The following ULK4 variants were observed in gnomAD, a reference collection of about 807,000 sequenced individuals.
The protein encoded by ULK4 is inactive serine/threonine-protein kinase ULK4.
A neutral mutation model predicts 160.6 loss-of-function variants in ULK4; 133 were observed. The observed-to-expected ratio is 0.83, with a 90% CI of 0.72 to 0.96. The LOEUF is 0.96. Ranked by LOEUF, ULK4 falls within the 40% of genes least tolerant of loss-of-function variation. ULK4 has a pLI of 0.00. For missense variants in ULK4, 1,580 were observed against 1,499.5 expected, an observed-to-expected ratio of 1.05 and a Z score of -0.89; for synonymous variants, 534 against 539.8, an observed-to-expected ratio of 0.99 and a Z score of 0.15.
At chr3:41,308,305 G>C (rs1575418721) in intron 35 of ULK4, among the ~76,000 whole-genome samples, 1 of 150,188 alleles carries the variant, frequency 6.7e-6, no homozygotes, top group Admixed American at 6.7e-5. Context: ...GCGCACGAGG[G>C]ACACATCCTC....
intron 31 of ULK4, among the ~76,000 whole-genome samples, chr3:41,578,687 T>C (rs1250375671): frequency 1.3e-5 from 2 of 152,166 alleles, no homozygotes; most frequent in Non-Finnish European, 2.9e-5. Flanking sequence ...TCACAGGAAG[T>C]GTCAATCAAG....
At chr3:41,744,391 A>G (rs1342293955) in intron 22 of ULK4, among the ~76,000 whole-genome samples, 1 of 152,020 alleles carries the variant, frequency 6.6e-6, no homozygotes, top group Admixed American at 6.5e-5. Context: ...ATTTAAAATA[A>G]AGGCAGGAGT....
intron 32 of ULK4, among the ~76,000 whole-genome samples, chr3:41,557,647 T>C (rs2087348698): frequency 6.6e-6 from 1 of 151,252 alleles, no homozygotes; most frequent in Non-Finnish European, 1.5e-5. Context: ...GCGCCTGTTG[T>C]CCTAGTTACT....
intron 17 of ULK4, among the ~76,000 whole-genome samples, chr3:41,845,704 T>C (rs1318028993): frequency 6.6e-6 from 1 of 152,234 alleles, no homozygotes; most frequent in East Asian, 1.9e-4. Context: ...GATCTCTCTA[T>C]TATTTCTTAC....
At chr3:41,605,204 A>G (rs1335339171) in intron 31 of ULK4, among the ~76,000 whole-genome samples, 1 of 152,038 alleles carries the variant, frequency 6.6e-6, no homozygotes, top group Non-Finnish European at 1.5e-5. Context: ...AAAAGACATA[A>G]AGAAAAACAA....
At chr3:41,440,077 T>G (rs2083129000) in intron 34 of ULK4, among the ~76,000 whole-genome samples, 1 of 152,240 alleles carries the variant, frequency 6.6e-6, no homozygotes, top group South Asian at 2.1e-4. Flanking sequence ...ACTTCTTTAT[T>G]TAATTTCTAG....
chr3:41,961,554 C>CTCCCCA (rs1553693526), intron 1 of ULK4, among the ~76,000 whole-genome samples: 1 of 7,618 alleles, frequency 1.3e-4, no homozygotes. Flanking sequence ...TCACTCACCC[C>CTCCCCA]CCCCCCCCCC....
intron 25 of ULK4, among the ~76,000 whole-genome samples, chr3:41,707,073 A>G (rs2036928040): frequency 6.6e-6 from 1 of 152,024 alleles, no homozygotes; most frequent in African/African-American, 2.4e-5. Flanking sequence ...AGAGATAACC[A>G]CTATCATGTA....
chr3:41,863,301 T>C (rs1401955575), intron 17 of ULK4, among the ~76,000 whole-genome samples: 1 of 152,154 alleles, frequency 6.6e-6, no homozygotes, highest in Non-Finnish European at 1.5e-5. Context: ...TTAAGTCAGC[T>C]TGTCATAAAT....
intron 17 of ULK4, among the ~76,000 whole-genome samples, chr3:41,860,329 G>A (rs1055903150): frequency 5.9e-5 from 9 of 152,084 alleles, no homozygotes; most frequent in African/African-American, 2.2e-4. Flanking sequence ...GGGGTTTGAA[G>A]TCTCCAGCCA....
intron 12 of ULK4, among the ~76,000 whole-genome samples, chr3:41,904,534 C>T (rs773864610): frequency 1.3e-5 from 2 of 152,178 alleles, no homozygotes; most frequent in Admixed American, 1.3e-4. Context: ...TGATTATATA[C>T]TCTTCTTTAT....
chr3:41,957,622 A>T (rs1252003871), intron 1 of ULK4, among the ~76,000 whole-genome samples: 1 of 152,100 alleles, frequency 6.6e-6, no homozygotes, highest in Non-Finnish European at 1.5e-5. Context: ...CCAAGACAAA[A>T]GAACTGCTTG....
At chr3:41,747,524 C>A (rs150208045) in intron 22 of ULK4, among the ~76,000 whole-genome samples, 1 of 150,028 alleles carries the variant, frequency 6.7e-6, no homozygotes, top group East Asian at 1.9e-4. Flanking sequence ...TGAATACTAG[C>A]TTCTTAGTGT....
At chr3:41,949,181 C>T (rs1700205771) in intron 2 of ULK4, among the ~76,000 whole-genome samples, 1 of 151,866 alleles carries the variant, frequency 6.6e-6, no homozygotes, top group Non-Finnish European at 1.5e-5. Context: ...TGGTGGCAGG[C>T]ACCTGAAATC....
intron 32 of ULK4, among the ~76,000 whole-genome samples, chr3:41,507,609 C>T (rs1333920903): frequency 1.7e-4 from 12 of 70,448 alleles, no homozygotes; most frequent in Non-Finnish European, 8.3e-5. Context: ...TTAAAACCAC[C>T]ACCAAAAAAA....
intron 31 of ULK4, among the ~76,000 whole-genome samples, chr3:41,567,999 A>T (rs2087844056): frequency 6.6e-6 from 1 of 152,164 alleles, no homozygotes; most frequent in African/African-American, 2.4e-5. Context: ...TCAGCTACAG[A>T]CTATTCAAGT....
At chr3:41,353,434 G>A (rs1407696310) in intron 35 of ULK4, among the ~76,000 whole-genome samples, 1 of 152,104 alleles carries the variant, frequency 6.6e-6, no homozygotes, top group Admixed American at 6.6e-5. Flanking sequence ...TTTTGGGAAG[G>A]GGAGAGGATT....
chr3:41,892,033 T>C (rs1336502903), intron 16 of ULK4, among the ~76,000 whole-genome samples: 1 of 152,254 alleles, frequency 6.6e-6, no homozygotes, highest in Non-Finnish European at 1.5e-5. Flanking sequence ...CTTTACCTTA[T>C]TCAAGTATAA....
chr3:41,869,979 T>C (rs2125692106), intron 17 of ULK4, among the ~76,000 whole-genome samples: 1 of 152,342 alleles, frequency 6.6e-6, no homozygotes, highest in Non-Finnish European at 1.5e-5. Flanking sequence ...AAATACAGAA[T>C]TCTGGGATAG....
Sources: gnomAD v4.1 joint callset for allele counts (sites outside exome capture counted in the v4.1 genomes callset) on GRCh38, gnomAD v4.1.1 for gene constraint, MANE v1.5 for transcripts, NCBI Gene and HGNC (gene_info 2026-07-23, HGNC 2026-07-21) for gene names.